Variants in LAMA4 observed in about 807,000 individuals in gnomAD.
The protein encoded by LAMA4 is laminin subunit alpha-4.
Under a neutral mutation model 207.1 loss-of-function variants are expected in LAMA4, and 127 were observed. The observed-to-expected ratio is 0.61, with a 90% confidence interval of 0.53 to 0.71. The LOEUF is 0.71. LAMA4 is among the 30% of genes least tolerant of loss of function. LAMA4 has a pLI of 0.00. For missense variants in LAMA4, 2,093 were observed against 2,246.5 expected, an observed-to-expected ratio of 0.93 and a Z score of 1.38; for synonymous variants, 761 against 816.0, an observed-to-expected ratio of 0.93 and a Z score of 1.15.
chr6:112,187,711 G>T, intron 7 of LAMA4, 110 bp from the exon 8 acceptor site: 1 of 1,080,032 alleles, frequency 9.3e-7, no homozygotes, highest in Non-Finnish European at 1.4e-6. Context: ...TTTTATTTTT[G>T]TCTCATGAAG....
intron 12 of LAMA4, 86 bp from the exon 13 acceptor site, chr6:112,165,362 C>T (rs1467237249): frequency 3.3e-6 from 3 of 901,894 alleles, no homozygotes; most frequent in Non-Finnish European, 5.6e-6. Flanking sequence ...AACTTGCTCT[C>T]TTTGGACTCA....
intron 12 of LAMA4, among the ~76,000 whole-genome samples, chr6:112,169,782 A>G (rs1781605680): frequency 6.6e-6 from 1 of 152,252 alleles, no homozygotes; most frequent in Non-Finnish European, 1.5e-5. Flanking sequence ...ATATGCATGA[A>G]GTTTAAAAAA....
intron 38 of LAMA4, among the ~76,000 whole-genome samples, chr6:112,111,821 T>A (rs1777714552): frequency 6.6e-6 from 1 of 152,192 alleles, no homozygotes; most frequent in Non-Finnish European, 1.5e-5. Flanking sequence ...GCCTGTCCAG[T>A]CTGTAGGGCT....
At chr6:112,114,894 G>T in intron 36 of LAMA4, 138 bp from the exon 37 acceptor site, 1 of 709,786 alleles carries the variant, frequency 1.4e-6, no homozygotes, top group Non-Finnish European at 2.5e-6. Flanking sequence ...TGAACACAAG[G>T]GTCTTTGGCA....
At chr6:112,174,954 G>A (rs1554343122) in intron 11 of LAMA4, among the ~76,000 whole-genome samples, 1 of 152,224 alleles carries the variant, frequency 6.6e-6, no homozygotes, top group African/African-American at 2.4e-5. Context: ...CAACATGAAT[G>A]TTTCTGGCCT....
chr6:112,221,211 T>A (rs1322374873), intron 2 of LAMA4, among the ~76,000 whole-genome samples: 4 of 152,134 alleles, frequency 2.6e-5, no homozygotes, highest in Non-Finnish European at 5.9e-5. Context: ...CTCCAGCGAA[T>A]GATGAAGAAT....
At chr6:112,148,131 C>A in intron 18 of LAMA4, 26 bp downstream of exon 18, 1 of 1,604,582 alleles carries the variant, frequency 6.2e-7, no homozygotes, top group South Asian at 1.1e-5. Context: ...TAATTAGATT[C>A]AAATTGTGAA....
chr6:112,208,181 CA>C (rs1298836622), intron 3 of LAMA4, among the ~76,000 whole-genome samples: 1 of 146,202 alleles, frequency 6.8e-6, no homozygotes, highest in East Asian at 2.0e-4. Context: ...GTTAGAATGT[CA>C]TTGAAGAAGC....
At chr6:112,127,933 G>A (rs973828681) in intron 31 of LAMA4, among the ~76,000 whole-genome samples, 36 of 152,202 alleles carry the variant, frequency 2.4e-4, no homozygotes, top group Admixed American at 1.9e-3. Flanking sequence ...GAATGAGAAA[G>A]AATAGTAGTC....
chr6:112,158,136 T>C (rs1780832573), intron 14 of LAMA4: 1 of 156,708 alleles, frequency 6.4e-6, no homozygotes. Context: ...TAATTGAGTG[T>C]CCAAGAGGTG....
rs782051380 is a variant in LAMA4, at chr6:112,148,318, A to C, written c.2192T>G (p.Leu731Arg). 2 of 1,614,046 alleles carry C rather than the reference A, an allele frequency of 1.2e-6. No homozygotes were observed. The highest frequency in any genetic ancestry group is 1.6e-4 in the Middle Eastern group (1 of 6,084). The change falls in exon 18 of 39, where the codon CTG becomes CGG. Residue 731 changes from leucine to arginine, a missense_variant. Leu to Arg is a moderately radical substitution (Grantham distance 102). This residue lies in a region of LAMA4 where 1,704 missense variants were observed against 1,788.4 expected (regional missense o/e 0.95). Coordinates refer to ENST00000230538, the MANE Select transcript of LAMA4 (RefSeq NM_001105206.3). The stretch of plus-strand genomic sequence containing the variant: ...CTCGGTGATCAGTCTAGACTGCCCC[A>C]GGCGCTGCTGGGCATCCCCTTTACA... ...AAERGDAQQR[L>R]GQSRLITEEA...
intron 2 of LAMA4, among the ~76,000 whole-genome samples, chr6:112,239,824 G>T (rs1029656432): frequency 3.3e-5 from 5 of 152,068 alleles, no homozygotes; most frequent in Non-Finnish European, 7.4e-5. Context: ...AGCACTTTGG[G>T]AGGCCGAGGC....
intron 12 of LAMA4, 131 bp downstream of exon 12, chr6:112,172,478 AAC>A (rs1313493795): frequency 3.6e-6 from 3 of 829,136 alleles, no homozygotes; most frequent in Non-Finnish European, 3.9e-6. Context: ...AGCACCAAAA[AAC>A]ACACCAATAT....
chr6:112,189,238 C>A (rs1554347770), intron 6 of LAMA4, 33 bp from the exon 7 acceptor site: 10 of 1,472,976 alleles, frequency 6.8e-6, no homozygotes, highest in Non-Finnish European at 9.5e-6. Flanking sequence ...ACGAGAAATG[C>A]ACTTCTTAAT....
intron 22 of LAMA4, among the ~76,000 whole-genome samples, chr6:112,140,490 G>T (rs782093616): frequency 3.9e-5 from 6 of 152,138 alleles, no homozygotes; most frequent in Non-Finnish European, 5.9e-5. Context: ...GCAGGTGGGG[G>T]TAATATTAAT....
At chr6:112,174,493 TTTTTG>T (rs1270582240) in intron 11 of LAMA4, among the ~76,000 whole-genome samples, 5 of 151,922 alleles carry the variant, frequency 3.3e-5, no homozygotes, top group Admixed American at 6.6e-5. Flanking sequence ...TTTGGGGTGG[TTTTTG>T]TTTTGTTTTG....
chr6:112,218,037 C>G (rs1307371325), intron 2 of LAMA4: 1 of 152,118 alleles, frequency 6.6e-6, no homozygotes, highest in East Asian at 1.9e-4. Flanking sequence ...AAAAGATTCA[C>G]AAAGTAATAA....
intron 11 of LAMA4, among the ~76,000 whole-genome samples, chr6:112,173,303 G>A (rs533980560): frequency 2.0e-5 from 3 of 152,268 alleles, no homozygotes; most frequent in African/African-American, 7.2e-5. Context: ...AGATTAAATG[G>A]CAATGACATG....
At chr6:112,247,891 T>A (rs1227486826) in intron 2 of LAMA4, among the ~76,000 whole-genome samples, 1 of 151,922 alleles carries the variant, frequency 6.6e-6, no homozygotes, top group Non-Finnish European at 1.5e-5. Context: ...ATAAACAGAG[T>A]ATTATTCAGT....
Sources: allele counts gnomAD v4.1 joint callset (sites outside exome capture counted in the v4.1 genomes callset), GRCh38; gene constraint gnomAD v4.1.1; regional missense constraint gnomAD v4.1.1; transcripts MANE v1.5; gene names NCBI Gene and HGNC (gene_info 2026-07-23, HGNC 2026-07-21).